Variants in AGBL1 observed in about 807,000 individuals in gnomAD.
AGBL1 encodes the protein AGBL carboxypeptidase 1, also known as cytosolic carboxypeptidase 4.
Under a neutral mutation model 118.9 loss-of-function variants are expected in AGBL1, and 130 were observed. The observed-to-expected ratio is 1.09, with a 90% confidence interval of 0.95 to 1.26. AGBL1 has a LOEUF of 1.26. AGBL1 is among the 50% of genes most tolerant of loss of function. AGBL1 has a pLI of 0.00. For synonymous variants in AGBL1, 555 were observed against 478.9 expected (o/e 1.16, Z -2.08); for missense variants, 1,584 against 1,298.1 (o/e 1.22, Z -3.38).
chr15:86,701,803 CCTTT>C (rs2086364290), intron 22 of AGBL1, among the ~76,000 whole-genome samples: 2 of 149,238 alleles, frequency 1.3e-5, no homozygotes, highest in Admixed American at 1.3e-4. Flanking sequence ...TTCCTTCCCT[CCTTT>C]CTCTTCCCCA....
At chr15:86,864,784 C>A (rs943174018) in intron 22 of AGBL1, among the ~76,000 whole-genome samples, 1 of 152,116 alleles carries the variant, frequency 6.6e-6, no homozygotes, top group Non-Finnish European at 1.5e-5. Context: ...TCAGGAGTTA[C>A]GATGCACAAT....
intron 6 of AGBL1, among the ~76,000 whole-genome samples, chr15:86,234,861 A>C (rs1450868222): frequency 1.3e-5 from 2 of 152,202 alleles, no homozygotes; most frequent in African/African-American, 4.8e-5. Context: ...TGGAGGTTTC[A>C]GGAAGTGATG....
At chr15:86,796,931 A>G (rs1175401505) in intron 22 of AGBL1, among the ~76,000 whole-genome samples, 3 of 152,246 alleles carry the variant, frequency 2.0e-5, no homozygotes, top group Non-Finnish European at 2.9e-5. Context: ...TGAACTGTCC[A>G]GGGCTGAGGT....
intron 5 of AGBL1, among the ~76,000 whole-genome samples, chr15:86,162,942 T>G (rs2077287810): frequency 6.6e-6 from 1 of 152,202 alleles, no homozygotes; most frequent in Non-Finnish European, 1.5e-5. Context: ...AGAAAAGGAA[T>G]CTACTCTCCT....
chr15:86,885,079 A>AT (rs1425197382), intron 22 of AGBL1, among the ~76,000 whole-genome samples: 1 of 150,844 alleles, frequency 6.6e-6, no homozygotes, highest in Non-Finnish European at 1.5e-5. Flanking sequence ...AATAAATTAT[A>AT]ATATATAACC....
At chr15:86,326,684 T>C (rs1468894660) in intron 17 of AGBL1, among the ~76,000 whole-genome samples, 1 of 152,208 alleles carries the variant, frequency 6.6e-6, no homozygotes, top group African/African-American at 2.4e-5. Context: ...TTGTTGTTGT[T>C]AATTTTTTAC....
intron 23 of AGBL1, among the ~76,000 whole-genome samples, chr15:86,979,529 C>A (rs2081208229): frequency 6.6e-6 from 1 of 151,764 alleles, no homozygotes; most frequent in East Asian, 1.9e-4. Context: ...CCCTCTGTTG[C>A]CCAGGCTGGA....
chr15:86,219,777 C>T lies in AGBL1; in HGVS notation c.489-5137C>T, dbSNP rs138382068. Reference sequence around the variant, plus strand: ...GTGATGTATGAATCCTCTGACCTTGCACCAGTCATCTAACCTTTTGATCTC... The same window carrying T: ...GTGATGTATGAATCCTCTGACCTTGTACCAGTCATCTAACCTTTTGATCTC... On this transcript the variant is annotated intron_variant, in intron 5 of 22. Coordinates refer to ENST00000614907, the MANE Select transcript of AGBL1 (RefSeq NM_001386094.1). 4.6e-5 allele frequency among the ~76,000 whole-genome samples: 7 copies of T among 152,086 alleles called. No homozygotes were observed. The East Asian group carries it at 1.2e-3, about 25-fold the overall frequency.
chr15:86,339,055 A>G (rs1595987263), intron 17 of AGBL1, among the ~76,000 whole-genome samples: 1 of 152,006 alleles, frequency 6.6e-6, no homozygotes, highest in East Asian at 1.9e-4. Flanking sequence ...ATTTTTCTTT[A>G]GTTTGTTAAT....
intron 1 of AGBL1, among the ~76,000 whole-genome samples, chr15:86,123,450 G>A (rs2141586660): frequency 6.6e-6 from 1 of 152,282 alleles, no homozygotes; most frequent in Middle Eastern, 3.4e-3. Context: ...ATGTTGGCCA[G>A]GCTGCTCTTG....
intron 11 of AGBL1, among the ~76,000 whole-genome samples, chr15:86,265,971 C>T (rs1393490515): frequency 1.3e-5 from 2 of 152,168 alleles, no homozygotes; most frequent in Non-Finnish European, 2.9e-5. Context: ...TTATTGGATC[C>T]TCCCAAACCT....
intron 21 of AGBL1, among the ~76,000 whole-genome samples, chr15:86,580,484 T>A (rs2084158087): frequency 6.9e-6 from 1 of 143,916 alleles, no homozygotes; most frequent in East Asian, 2.0e-4. Context: ...TTTTGGTATT[T>A]TTTTCTAGAC....
chr15:86,371,190 G>C (rs2080965870), intron 17 of AGBL1, among the ~76,000 whole-genome samples: 2 of 152,190 alleles, frequency 1.3e-5, no homozygotes, highest in Admixed American at 1.3e-4. Context: ...TGCAAATCTG[G>C]AGAAAAGAGT....
At chr15:86,850,906 G>A (rs895650076) in intron 22 of AGBL1, among the ~76,000 whole-genome samples, 5 of 152,152 alleles carry the variant, frequency 3.3e-5, no homozygotes, top group Admixed American at 2.6e-4. Context: ...CTTAGATACT[G>A]TGTGAAGCAT....
chr15:86,262,078 C>CTTTTTTTTTTTTTT (rs61365024), intron 9 of AGBL1, among the ~76,000 whole-genome samples: 893 of 52,724 alleles, frequency 0.017, 240 homozygotes, highest in South Asian at 0.033. Flanking sequence ...GCATAGCTGG[C>CTTTTTTTTTTTTTT]TTTTTTTTTT....
At chr15:86,697,784 TGA>T (rs1415990250) in intron 22 of AGBL1, among the ~76,000 whole-genome samples, 7 of 151,946 alleles carry the variant, frequency 4.6e-5, no homozygotes, top group Non-Finnish European at 1.0e-4. Context: ...GTTGTTCCTT[TGA>T]TGTAATACTC....
chr15:86,292,929 G>C (rs1427423735), intron 16 of AGBL1, among the ~76,000 whole-genome samples: 1 of 152,200 alleles, frequency 6.6e-6, no homozygotes, highest in Non-Finnish European at 1.5e-5. Context: ...TGTTAATGTA[G>C]ACAGTAAGCT....
chr15:86,572,380 G>T (rs1430628787), intron 21 of AGBL1, among the ~76,000 whole-genome samples: 1 of 152,170 alleles, frequency 6.6e-6, no homozygotes, highest in Non-Finnish European at 1.5e-5. Context: ...GTCTGGGGTG[G>T]GGGCTCCAGG....
At chr15:86,606,910 T>G (rs1234432420) in intron 21 of AGBL1, among the ~76,000 whole-genome samples, 2 of 152,186 alleles carry the variant, frequency 1.3e-5, no homozygotes, top group Admixed American at 6.5e-5. Context: ...TATCCTATGT[T>G]GTAGTGTCAT....
Sources: allele counts gnomAD v4.1 joint callset (sites outside exome capture counted in the v4.1 genomes callset), GRCh38; gene constraint gnomAD v4.1.1; transcripts MANE v1.5; gene names NCBI Gene and HGNC (gene_info 2026-07-23, HGNC 2026-07-21).